Variants in MYOF observed in about 807,000 individuals in gnomAD.
MYOF encodes the protein fer-1-like 3, myoferlin.
Under a neutral mutation model 284.2 loss-of-function variants are expected in MYOF, and 244 were observed. The ratio of observed to expected loss-of-function variants is 0.86; its 90% confidence interval spans 0.77 to 0.95. The LOEUF is 0.95. Ranked by LOEUF, MYOF falls within the 40% of genes least tolerant of loss-of-function variation. MYOF has a pLI of 0.00. For synonymous variants in MYOF, 904 were observed against 919.7 expected, an observed-to-expected ratio of 0.98 and a Z score of 0.31; for missense variants, 2,496 against 2,560.6, an observed-to-expected ratio of 0.97 and a Z score of 0.54.
chr10:93,451,970 A>G, intron 3 of MYOF, 80 bp downstream of exon 3: 1 of 1,002,064 alleles, frequency 1.0e-6, no homozygotes, highest in Non-Finnish European at 1.5e-6. Flanking sequence ...ATACGTTATT[A>G]AAGATGTGTC....
intron 49 of MYOF, among the ~76,000 whole-genome samples, chr10:93,318,729 G>A (rs1842727658): frequency 6.6e-6 from 1 of 152,140 alleles, no homozygotes; most frequent in Admixed American, 6.5e-5. Flanking sequence ...TTGCACTCCA[G>A]CCTGGGCAAC....
chr10:93,310,481 G>A (rs982856945), intron 52 of MYOF, 53 bp downstream of exon 52: 5 of 1,553,170 alleles, frequency 3.2e-6, no homozygotes, highest in East Asian at 4.5e-5. Flanking sequence ...TGGGAAGGGG[G>A]GCTCTCAGCC....
intron 31 of MYOF, 59 bp downstream of exon 31, chr10:93,355,569 G>T: frequency 7.3e-7 from 1 of 1,377,520 alleles, no homozygotes; most frequent in Non-Finnish European, 1.0e-6. Context: ...GATAGGGCCA[G>T]ACTCAGTCTT....
At chr10:93,427,458 G>C (rs1007029935) in intron 4 of MYOF, among the ~76,000 whole-genome samples, 8 of 150,872 alleles carry the variant, frequency 5.3e-5, no homozygotes, top group African/African-American at 1.9e-4. Context: ...TTGAACTCGG[G>C]AGGCGGAGGT....
chr10:93,433,679 C>T (rs1239861608), intron 3 of MYOF, among the ~76,000 whole-genome samples: 1 of 152,142 alleles, frequency 6.6e-6, no homozygotes, highest in Non-Finnish European at 1.5e-5. Context: ...ACATGATAAT[C>T]AGGAAAATTC....
chr10:93,306,783 C>A lies in MYOF; in HGVS notation c.*180G>T. The stretch of plus-strand genomic sequence containing the variant: ...TACTTAAGAGATAACATGATGCAAA[C>A]GTTGCTTGTTGGCCTGACTTTCCAG... On this transcript the variant is annotated 3_prime_UTR_variant, in exon 54 of 54. Transcript: ENST00000359263. 1 of 641,592 alleles carries A rather than the reference C, an allele frequency of 1.6e-6. No individual in the cohort carries two copies. The allele number at this position is 641,592 out of a possible 1,614,324, so 39.7% of individuals were successfully genotyped here. A position where few individuals can be genotyped will look rare whatever the true frequency, so the allele number is the denominator to read the frequency against.
chr10:93,329,965 A>T, intron 43 of MYOF, 131 bp from the exon 44 acceptor site: 2 of 880,784 alleles, frequency 2.3e-6, no homozygotes, highest in Non-Finnish European at 3.6e-6. Flanking sequence ...CAGGATAACC[A>T]GGGTGGGTGG....
Position 93,402,281 on chromosome 10 carries a change from C to T in MYOF, c.941G>A (p.Gly314Asp). The part of the protein sequence containing the change: ...DPEDTSSGSK[G>D]YMKVSMFVLG... ...GACAAACATGCTGACTTTCATATAA[C>T]CTTTAGAACCTGAACTGGTATCTTC... Residue 314 changes from glycine to aspartate, a missense_variant, in exon 11 of 54, where the codon GGT becomes GAT. By Grantham distance (94) the Gly-to-Asp change is moderately conservative (BLOSUM62 -1). Around this residue, in one of 3 missense-constraint regions of MYOF, gnomAD observed 2,436 missense variants for 2,480.7 expected, o/e 0.98. Transcript: ENST00000359263. The T allele has an allele frequency of 1.2e-6, 2 of 1,614,092 alleles. No individual in the cohort carries two copies. The highest frequency in any genetic ancestry group is 1.7e-6 in the Non-Finnish European group (2 of 1,180,006).
At position 93,389,038 on chromosome 10, in the gene MYOF, T is replaced by TA. The variant is rs1167895024; in HGVS notation, c.1572dup (p.Thr525TyrfsTer16). ...TTAATTGAGAAACCAACCTTTCCAG[T>TA]ATTCAGCTCATCATAGGGGTCTGGG... On this transcript the variant is annotated frameshift_variant, in exon 18 of 54. Transcript: ENST00000359263. LOFTEE classifies it high-confidence loss of function. The TA allele has an allele frequency of 5.6e-6, 9 of 1,613,044 alleles. No individual in the cohort carries two copies. The East Asian group carries it at 2.0e-4, about 36-fold the overall frequency.
intron 25 of MYOF, among the ~76,000 whole-genome samples, chr10:93,366,834 T>C (rs10509653): frequency 0.26 from 39,840 of 152,166 alleles, 6,806 homozygotes; most frequent in East Asian, 0.88. Context: ...TGCAAATGAT[T>C]GCGAACGTGC....
intron 9 of MYOF, among the ~76,000 whole-genome samples, chr10:93,403,622 C>A (rs1417652739): frequency 6.6e-6 from 1 of 152,184 alleles, no homozygotes; most frequent in Non-Finnish European, 1.5e-5. Context: ...TATAGAAGCA[C>A]CCTGAACCTC....
intron 41 of MYOF, 25 bp downstream of exon 41, chr10:93,335,896 C>A: frequency 6.2e-7 from 1 of 1,606,640 alleles, no homozygotes; most frequent in South Asian, 1.1e-5. Flanking sequence ...GGATTTTAAA[C>A]GGGACCAACA....
intron 22 of MYOF, among the ~76,000 whole-genome samples, chr10:93,375,323 A>C (rs1175059949): frequency 6.6e-6 from 1 of 152,230 alleles, no homozygotes; most frequent in Non-Finnish European, 1.5e-5. Flanking sequence ...CCACAAAATG[A>C]TGGAAGAAGA....
At chr10:93,478,316 GC>G in intron 1 of MYOF, 1 of 214,156 alleles carries the variant, frequency 4.7e-6, no homozygotes. Context: ...GGGCAGAATG[GC>G]CACCCCTGGC....
chr10:93,313,229 G>C lies in MYOF; in HGVS notation c.5699-19C>G, dbSNP rs1464618275. Reference sequence around the variant, plus strand: ...AGGAAACCTAGCCAAGGAAACAACAGTAAGTCCAAATGAGCTTCAAGTGGA... The same window carrying C: ...AGGAAACCTAGCCAAGGAAACAACACTAAGTCCAAATGAGCTTCAAGTGGA... On this transcript the variant is annotated intron_variant, in intron 50 of 53. Coordinates refer to ENST00000359263, the MANE Select transcript of MYOF (RefSeq NM_013451.4). 1 of 1,607,364 alleles carries C rather than the reference G, an allele frequency of 6.2e-7. No homozygotes were observed. The highest frequency in any genetic ancestry group is 1.3e-5 in the African/African-American group (1 of 74,782).
rs2134031820 is a variant in MYOF, at chr10:93,388,995, T to C, written c.1581+35A>G. 5 of 1,605,000 alleles carry C rather than the reference T, an allele frequency of 3.1e-6. No homozygotes were observed. The East Asian group carries it at 1.1e-4, about 36-fold the overall frequency. Reference sequence around the variant, plus strand: ...AAGAAGAAATAATCACCTTAACCAATGCTGATTAATAACCACCTTAATTGA... The same window carrying C: ...AAGAAGAAATAATCACCTTAACCAACGCTGATTAATAACCACCTTAATTGA... On this transcript the variant is annotated intron_variant, in intron 18 of 53. Coordinates refer to ENST00000359263, the MANE Select transcript of MYOF (RefSeq NM_013451.4).
intron 36 of MYOF, among the ~76,000 whole-genome samples, chr10:93,348,747 C>T (rs57554065): frequency 1.7e-3 from 252 of 152,196 alleles, no homozygotes; most frequent in African/African-American, 5.8e-3. Context: ...CTAGCGACAT[C>T]CCCTTGTGTA....
At chr10:93,348,737 C>G (rs182028900) in intron 36 of MYOF, among the ~76,000 whole-genome samples, 81 of 152,200 alleles carry the variant, frequency 5.3e-4, no homozygotes, top group African/African-American at 1.9e-3. Context: ...CACTCACTTG[C>G]TAGCGACATC....
At chr10:93,474,748 AT>A (rs11405362) in intron 1 of MYOF, among the ~76,000 whole-genome samples, 160 of 145,346 alleles carry the variant, frequency 1.1e-3, no homozygotes, top group African/African-American at 3.0e-3. Flanking sequence ...ACTGAAGCTG[AT>A]TTTTTTTTTT....
Sources: allele counts gnomAD v4.1 joint callset (sites outside exome capture counted in the v4.1 genomes callset), GRCh38; gene constraint gnomAD v4.1.1; regional missense constraint gnomAD v4.1.1; transcripts MANE v1.5; gene names NCBI Gene and HGNC (gene_info 2026-07-23, HGNC 2026-07-21).